Variants in SUPT3H observed in about 807,000 individuals in gnomAD.
The protein encoded by SUPT3H is SPT3 homolog, SAGA and STAGA complex component, also known as transcription initiation protein SPT3 homolog.
A neutral mutation model predicts 44.3 loss-of-function variants in SUPT3H; 44 were observed. That is an observed-to-expected ratio of 0.99 (90% CI 0.78 to 1.28). SUPT3H has a LOEUF of 1.28. Ranked by LOEUF, SUPT3H falls within the 50% of genes most tolerant of loss-of-function variation. The pLI is 0.00. For missense variants in SUPT3H, 380 were observed against 387.1 expected (o/e 0.98, Z 0.15); for synonymous variants, 124 against 125.6 (o/e 0.99, Z 0.09).
chr6:45,313,656 TA>T (rs70996323), intron 2 of SUPT3H, among the ~76,000 whole-genome samples: 4 of 144,664 alleles, frequency 2.8e-5, no homozygotes, highest in East Asian at 2.0e-4. Context: ...TTAAAAATTA[TA>T]AAAAAAAAAA....
intron 6 of SUPT3H, among the ~76,000 whole-genome samples, chr6:44,982,678 C>G (rs1779265277): frequency 1.5e-5 from 2 of 131,534 alleles, no homozygotes; most frequent in Admixed American, 1.6e-4. Context: ...AGTCTCCTAT[C>G]TCTCCTCTAT....
intron 2 of SUPT3H, 60 bp downstream of exon 2, chr6:45,365,141 G>T: frequency 3.9e-6 from 4 of 1,016,328 alleles, no homozygotes; most frequent in Non-Finnish European, 2.9e-6. Context: ...TATGTCTATT[G>T]TCTTTCAACA....
At chr6:45,203,228 CA>C (rs1302789215) in intron 2 of SUPT3H, among the ~76,000 whole-genome samples, 4 of 152,102 alleles carry the variant, frequency 2.6e-5, no homozygotes, top group African/African-American at 9.7e-5. Context: ...ACATGCAAAA[CA>C]ACCGAAATAA....
Position 45,364,208 on chromosome 6 carries a change from A to G in SUPT3H, c.101+993T>C, listed in dbSNP as rs182788623. On this transcript the variant is annotated intron_variant, in intron 2 of 10. Coordinates refer to ENST00000371459, the MANE Select transcript of SUPT3H (RefSeq NM_003599.4). ...TATTCTTCAGGATCTTCAATGATTA[A>G]AAGTATAAAAGGATCCTAAGGCCAA... Among the ~76,000 whole-genome samples the G allele has an allele frequency of 5.9e-3, 905 of 152,266 alleles. 16 individuals carry two copies. Among genetic ancestry groups the G allele is most frequent in the African/African-American group, 0.021 (857 of 41,566 alleles).
intron 2 of SUPT3H, among the ~76,000 whole-genome samples, chr6:45,247,007 T>C (rs1771481433): frequency 6.6e-6 from 1 of 151,846 alleles, no homozygotes; most frequent in East Asian, 1.9e-4. Flanking sequence ...CAGAGTAAAA[T>C]CAATAAAAGT....
At chr6:44,959,509 G>T (rs935532424) in intron 7 of SUPT3H, among the ~76,000 whole-genome samples, 2 of 151,184 alleles carry the variant, frequency 1.3e-5, no homozygotes, top group South Asian at 4.2e-4. Flanking sequence ...TGAAAGTAAA[G>T]GACTGGAAAA....
At chr6:45,285,576 G>A (rs1164981598) in intron 2 of SUPT3H, among the ~76,000 whole-genome samples, 2 of 151,988 alleles carry the variant, frequency 1.3e-5, no homozygotes, top group South Asian at 2.1e-4. Context: ...ACAAACCACT[G>A]CTCAATGAAA....
chr6:45,223,434 T>C (rs189786531), intron 2 of SUPT3H, among the ~76,000 whole-genome samples: 2,663 of 152,124 alleles, frequency 0.018, 50 homozygotes, highest in South Asian at 0.085. Flanking sequence ...TATACTATTG[T>C]AAAAGTTCAG....
intron 2 of SUPT3H, among the ~76,000 whole-genome samples, chr6:45,133,952 C>T (rs1803876656): frequency 6.6e-6 from 1 of 152,142 alleles, no homozygotes; most frequent in African/African-American, 2.4e-5. Flanking sequence ...TGTTGAATTA[C>T]AAACCCCCAA....
intron 10 of SUPT3H, among the ~76,000 whole-genome samples, chr6:44,864,986 C>A (rs1775280271): frequency 6.6e-6 from 1 of 152,138 alleles, no homozygotes. Flanking sequence ...AAACCGAATG[C>A]CTTTAACACA....
intron 7 of SUPT3H, among the ~76,000 whole-genome samples, chr6:44,959,233 C>CA (rs1405716406): frequency 6.6e-5 from 10 of 150,730 alleles, no homozygotes; most frequent in East Asian, 5.8e-4. Context: ...GGATGTATAT[C>CA]AAAAAAAAGA....
intron 4 of SUPT3H, among the ~76,000 whole-genome samples, chr6:45,018,096 C>G (rs899428214): frequency 2.0e-4 from 30 of 151,846 alleles, no homozygotes; most frequent in Non-Finnish European, 4.3e-4. Context: ...GTATTTTATT[C>G]TCTTTGAAGC....
At chr6:44,853,711 T>C (rs377446226) in intron 10 of SUPT3H, among the ~76,000 whole-genome samples, 1 of 151,972 alleles carries the variant, frequency 6.6e-6, no homozygotes, top group Non-Finnish European at 1.5e-5. Context: ...ACCTGAGCTA[T>C]AAACAGGAGT....
At chr6:45,313,656 T>TA (rs70996323) in intron 2 of SUPT3H, among the ~76,000 whole-genome samples, 56,275 of 144,550 alleles carry the variant, frequency 0.39, 11,245 homozygotes, top group East Asian at 0.6. Context: ...TTAAAAATTA[T>TA]AAAAAAAAAA....
Position 45,095,988 on chromosome 6 carries a change from A to T in SUPT3H, c.186+9934T>A, listed in dbSNP as rs1419977153. Reference sequence around the variant, plus strand: ...ATTAAATAGCCCCATTATTAACGACAATAGCAACTATTACTACTGTTACTA... The same window carrying T: ...ATTAAATAGCCCCATTATTAACGACTATAGCAACTATTACTACTGTTACTA... On this transcript the variant is annotated intron_variant, in intron 3 of 10. Transcript: ENST00000371459. The surrounding 1 kb of genome is among the most constrained non-coding windows in gnomAD (Gnocchi z 4.1). Among the ~76,000 whole-genome samples the T allele has an allele frequency of 2.0e-5, 3 of 152,126 alleles. No individual in the cohort carries two copies. Among genetic ancestry groups the T allele is most frequent in the Admixed American group, 6.6e-5 (1 of 15,258 alleles).
chr6:44,958,050 A>C (rs989607020), intron 7 of SUPT3H, among the ~76,000 whole-genome samples: 3 of 152,138 alleles, frequency 2.0e-5, no homozygotes, highest in Non-Finnish European at 2.9e-5. Context: ...CTCAGAATAA[A>C]CAAGTTCCTT....
intron 3 of SUPT3H, among the ~76,000 whole-genome samples, chr6:45,047,518 A>C (rs1417780333): frequency 2.6e-5 from 4 of 152,210 alleles, no homozygotes; most frequent in African/African-American, 9.6e-5. Flanking sequence ...AAGATGGCCC[A>C]TACAAACAAC....
intron 2 of SUPT3H, among the ~76,000 whole-genome samples, chr6:45,340,329 C>T (rs1042929437): frequency 6.6e-6 from 1 of 151,568 alleles, no homozygotes; most frequent in Non-Finnish European, 1.5e-5. Context: ...TTTGTTAAGC[C>T]CCCTTCCCCC....
intron 2 of SUPT3H, among the ~76,000 whole-genome samples, chr6:45,140,069 AGCTGGGTGAG>A (rs1583783371): frequency 1.3e-5 from 2 of 152,048 alleles, no homozygotes; most frequent in Admixed American, 6.5e-5. Flanking sequence ...ACTTCATGGG[AGCTGGGTGAG>A]GCCTTTCACT....
Sources: gnomAD v4.1 joint callset for allele counts (sites outside exome capture counted in the v4.1 genomes callset) on GRCh38, gnomAD v4.1.1 for gene constraint, Gnocchi (gnomAD v3.1) non-coding constraint, MANE v1.5 for transcripts, NCBI Gene and HGNC (gene_info 2026-07-23, HGNC 2026-07-21) for gene names.